Variants in PC observed in about 807,000 individuals in gnomAD.
The protein encoded by PC is pyruvate carboxylase.
Under a neutral mutation model 107.8 loss-of-function variants are expected in PC, and 46 were observed. The observed-to-expected ratio is 0.43, with a 90% CI of 0.34 to 0.55. PC has a LOEUF of 0.55. Ranked by LOEUF, PC falls within the 20% of genes least tolerant of loss-of-function variation. The pLI is 0.04. For missense variants in PC, 1,241 were observed against 1,643.1 expected (o/e 0.76, Z 4.23); for synonymous variants, 662 against 684.7 (o/e 0.97, Z 0.52).
At chr11:66,851,339 C>T (rs201482205) in intron 16 of PC, 59 bp from the exon 17 acceptor site, 23 of 1,597,818 alleles carry the variant, frequency 1.4e-5, no homozygotes, top group Non-Finnish European at 1.8e-5. Flanking sequence ...GAACAGTCTT[C>T]CCTGGCTCCT....
At chr11:66,906,219 T>TTCAG (rs1948160626) in intron 3 of PC, among the ~76,000 whole-genome samples, 1 of 152,306 alleles carries the variant, frequency 6.6e-6, no homozygotes, top group African/African-American at 2.4e-5. Flanking sequence ...CATTCATTCA[T>TTCAG]TCAGTCACTT....
intron 3 of PC, among the ~76,000 whole-genome samples, chr11:66,875,420 A>T (rs547941849): frequency 6.6e-6 from 1 of 152,158 alleles, no homozygotes; most frequent in East Asian, 1.9e-4. Flanking sequence ...AAGCTCACAG[A>T]GGGGGAAGAG....
intron 3 of PC, among the ~76,000 whole-genome samples, chr11:66,901,086 C>A (rs1947940476): frequency 6.6e-6 from 1 of 152,180 alleles, no homozygotes; most frequent in Non-Finnish European, 1.5e-5. Flanking sequence ...CCCTAGGATG[C>A]CAGAGCTCTC....
At chr11:66,935,199 C>T (rs1001586213) in intron 3 of PC, among the ~76,000 whole-genome samples, 6 of 152,176 alleles carry the variant, frequency 3.9e-5, no homozygotes. Flanking sequence ...CCTCCTTAAG[C>T]CACTCAGTCA....
intron 1 of PC, among the ~76,000 whole-genome samples, chr11:66,955,777 TTTTC>T (rs1419204753): frequency 3.3e-5 from 5 of 151,818 alleles, no homozygotes; most frequent in Non-Finnish European, 7.4e-5. Flanking sequence ...GGGCTTTTTT[TTTTC>T]TTTTTTTTTG....
At chr11:66,895,229 A>G (rs894241285) in intron 3 of PC, among the ~76,000 whole-genome samples, 4 of 152,094 alleles carry the variant, frequency 2.6e-5, no homozygotes, top group African/African-American at 9.7e-5. Context: ...GACTCTTTGC[A>G]TGCTACCCCC....
intron 3 of PC, among the ~76,000 whole-genome samples, chr11:66,908,884 G>A (rs1426171236): frequency 6.6e-6 from 1 of 152,134 alleles, no homozygotes; most frequent in East Asian, 1.9e-4. Flanking sequence ...CCAGGATCCT[G>A]ACCAGCACTG....
At chr11:66,905,382 G>C (rs933269021) in intron 3 of PC, among the ~76,000 whole-genome samples, 1 of 152,208 alleles carries the variant, frequency 6.6e-6, no homozygotes, top group African/African-American at 2.4e-5. Context: ...TCGTCTCCAA[G>C]GGCGGACTCC....
intron 3 of PC, among the ~76,000 whole-genome samples, chr11:66,937,495 T>C (rs1396292046): frequency 6.6e-6 from 1 of 152,110 alleles, no homozygotes; most frequent in African/African-American, 2.4e-5. Context: ...CCTGAGTGGG[T>C]AGGTTACTGT....
At chr11:66,864,801 C>CCGCA (rs1946422828) in intron 11 of PC, among the ~76,000 whole-genome samples, 1 of 152,200 alleles carries the variant, frequency 6.6e-6, no homozygotes, top group Non-Finnish European at 1.5e-5. Context: ...TCGTGCCGCC[C>CCGCA]GAGTGAGCCC....
At chr11:66,884,865 T>C (rs2135991981) in intron 3 of PC, among the ~76,000 whole-genome samples, 1 of 152,274 alleles carries the variant, frequency 6.6e-6, no homozygotes, top group South Asian at 2.1e-4. Context: ...GACTCAATTC[T>C]AAACAGAACT....
intron 3 of PC, among the ~76,000 whole-genome samples, chr11:66,921,192 C>T (rs1209585963): frequency 1.3e-5 from 2 of 152,120 alleles, no homozygotes; most frequent in African/African-American, 2.4e-5. Context: ...TAGGGCAACA[C>T]GGAGCGTGGA....
intron 3 of PC, among the ~76,000 whole-genome samples, chr11:66,881,492 C>A (rs1263051525): frequency 6.6e-6 from 1 of 152,264 alleles, no homozygotes; most frequent in Non-Finnish European, 1.5e-5. Context: ...AGAAGGGAGT[C>A]AGGAAGGCAC....
In PC at chr11:66,852,493, C is replaced by T. The variant is rs139795235; in HGVS notation, c.1771G>A (p.Ala591Thr). Residue 591 changes from alanine to threonine, a missense_variant, in exon 15 of 23, where the codon GCC becomes ACC. This residue lies in a region of PC where 1,143 missense variants were observed against 1,551.9 expected (regional missense o/e 0.74). Coordinates refer to ENST00000393960, the MANE Select transcript of PC (RefSeq NM_001040716.2). This position sits in a 1 kb window ranked among gnomAD's most constrained non-coding sequence, Gnocchi z 4.7. ...CTGAAGTTGTGGGCAACATAGGGGG[C>T]GATCTTTTTGAGATCGTGGGTGCGC... Reference protein sequence around the residue: ...RVRTHDLKKIAPYVAHNFSKL... With the variant: ...RVRTHDLKKITPYVAHNFSKL... 40 of 1,614,068 alleles carry T rather than the reference C, an allele frequency of 2.5e-5. No homozygotes were observed. In the Admixed American group the frequency reaches 3.7e-4, roughly 15 times the overall value.
intron 3 of PC, among the ~76,000 whole-genome samples, chr11:66,942,726 G>C (rs928039690): frequency 6.6e-6 from 1 of 151,854 alleles, no homozygotes; most frequent in Non-Finnish European, 1.5e-5. Flanking sequence ...GGTTAAGAAA[G>C]TTTCGGCTGG....
intron 3 of PC, among the ~76,000 whole-genome samples, chr11:66,905,798 C>T (rs572053926): frequency 1.5e-4 from 23 of 152,186 alleles, no homozygotes; most frequent in Admixed American, 4.6e-4. Flanking sequence ...AGCCCAGCTC[C>T]GGCCACCAGC....
intron 3 of PC, among the ~76,000 whole-genome samples, chr11:66,874,796 C>G (rs1946910168): frequency 6.6e-6 from 1 of 152,140 alleles, no homozygotes; most frequent in African/African-American, 2.4e-5. Flanking sequence ...ATCACAAGTG[C>G]CTGGAAGATA....
Position 66,849,237 on chromosome 11 carries a change from G to T in PC, c.3281C>A (p.Ala1094Asp), listed in dbSNP as rs1945324949. Reference protein sequence around the residue: ...LRSILVKDTQAMKEMHFHPKA... With the variant: ...LRSILVKDTQDMKEMHFHPKA... ...CCCTGGGGGAGACAATACCTTCATG[G>T]CCTGGGTGTCCTTGACCAAGATGGA... is the stretch of plus-strand genomic sequence containing the variant. Residue 1094 changes from alanine to aspartate, a missense_variant, in exon 22 of 23, where the codon GCC (alanine) becomes GAC (aspartate). By Grantham distance (126) the Ala-to-Asp change is moderately radical (BLOSUM62 -2). Around this residue, in one of 2 missense-constraint regions of PC, gnomAD observed 1,143 missense variants for 1,551.9 expected, o/e 0.74. Coordinates refer to ENST00000393960, the MANE Select transcript of PC (RefSeq NM_001040716.2). The T allele has an allele frequency of 6.2e-7, 1 of 1,613,618 alleles. No individual in the cohort carries two copies. The highest frequency in any genetic ancestry group is 1.3e-5 in the African/African-American group (1 of 74,934).
chr11:66,951,796 A>T (rs780790691), intron 3 of PC, among the ~76,000 whole-genome samples: 1 of 151,976 alleles, frequency 6.6e-6, no homozygotes, highest in Non-Finnish European at 1.5e-5. Context: ...AGGCTGAGGC[A>T]GGAGAATTGC....
Sources: allele counts gnomAD v4.1 joint callset (sites outside exome capture counted in the v4.1 genomes callset), GRCh38; gene constraint gnomAD v4.1.1; regional missense constraint gnomAD v4.1.1; non-coding constraint Gnocchi (gnomAD v3.1); transcripts MANE v1.5; gene names NCBI Gene and HGNC (gene_info 2026-07-23, HGNC 2026-07-21).